Variants in CAMTA1 observed in about 807,000 individuals in gnomAD.
CAMTA1 encodes the protein calmodulin binding transcription activator 1.
A neutral mutation model predicts 170.9 loss-of-function variants in CAMTA1; 27 were observed. The ratio of observed to expected loss-of-function variants is 0.16; its 90% CI spans 0.12 to 0.22. The LOEUF (loss-of-function observed/expected upper bound fraction) is 0.22. Among genes scored for constraint, CAMTA1 ranks in the 10% least tolerant of loss-of-function variants. The probability of loss-of-function intolerance (pLI) is 1.00; values close to 1 mark genes in which losing one functional copy is unlikely to be tolerated. For synonymous variants in CAMTA1, 833 were observed against 891.5 expected (o/e 0.93, Z 1.17); for missense variants, 1,619 against 2,217.2 (o/e 0.73, Z 5.42).
intron 11 of CAMTA1, among the ~76,000 whole-genome samples, chr1:7,712,584 G>A (rs1173636569): frequency 6.6e-6 from 1 of 152,162 alleles, no homozygotes; most frequent in Non-Finnish European, 1.5e-5. Flanking sequence ...CTCCCCAAGT[G>A]CTAGGATTAC....
intron 6 of CAMTA1, among the ~76,000 whole-genome samples, chr1:7,559,678 TG>T (rs1299437008): frequency 7.2e-5 from 11 of 151,966 alleles, no homozygotes; most frequent in Non-Finnish European, 1.6e-4. Context: ...TGTCACAGGG[TG>T]GGCCGGAGGA....
intron 5 of CAMTA1, among the ~76,000 whole-genome samples, chr1:7,461,926 C>T (rs1320610790): frequency 2.6e-5 from 4 of 152,374 alleles, no homozygotes; most frequent in South Asian, 4.1e-4. Flanking sequence ...ATCTCCCATA[C>T]GCCTGGGCCA....
At chr1:7,030,385 T>G (rs1298002880) in intron 3 of CAMTA1, among the ~76,000 whole-genome samples, 5 of 152,216 alleles carry the variant, frequency 3.3e-5, no homozygotes. Flanking sequence ...TGTTGACACG[T>G]TTTATTATAC....
Position 7,275,204 on chromosome 1 carries a change from C to T in CAMTA1, c.438+25578C>T, listed in dbSNP as rs145580005. ...TTTGAAATGAATGAAAATTAAAACC[C>T]CACATAGAAAATGTATGGAGTACAG... On this transcript the variant is annotated intron_variant, in intron 5 of 22. Transcript: ENST00000303635. Among the ~76,000 whole-genome samples, 243 of 149,072 alleles carry T rather than the reference C, an allele frequency of 1.6e-3. 1 individual carries two copies. The highest frequency in any genetic ancestry group is 5.6e-3 in the African/African-American group (229 of 40,588).
chr1:7,276,303 A>ATATATATATATATTTTTTTTTTTTT, intron 5 of CAMTA1, among the ~76,000 whole-genome samples: 1 of 24,232 alleles, frequency 4.1e-5, no homozygotes, highest in Non-Finnish European at 6.1e-5. Context: ...ATATATATAT[A>ATATATATATATATTTTTTTTTTTTT]TTTTTTTTTT....
intron 4 of CAMTA1, among the ~76,000 whole-genome samples, chr1:7,168,394 TTTTGTTTG>T (rs1055159446): frequency 2.6e-5 from 4 of 152,138 alleles, no homozygotes; most frequent in African/African-American, 9.7e-5. Flanking sequence ...TAGAAGTTCT[TTTTGTTTG>T]TTTGTTTGTT....
At chr1:6,990,461 G>C (rs893417674) in intron 3 of CAMTA1, among the ~76,000 whole-genome samples, 7 of 152,118 alleles carry the variant, frequency 4.6e-5, no homozygotes, top group Non-Finnish European at 8.8e-5. Context: ...GTAAATCACA[G>C]CTAACAGTAC....
chr1:7,639,377 A>C (rs2095742687), intron 6 of CAMTA1, among the ~76,000 whole-genome samples: 1 of 152,210 alleles, frequency 6.6e-6, no homozygotes, highest in Admixed American at 6.5e-5. Flanking sequence ...CCCAGAAACC[A>C]ACAAGAAAGA....
intron 6 of CAMTA1, among the ~76,000 whole-genome samples, chr1:7,528,009 G>A (rs2094449099): frequency 6.6e-6 from 1 of 152,208 alleles, no homozygotes; most frequent in Non-Finnish European, 1.5e-5. Flanking sequence ...TAGAGACGGA[G>A]CCCTGGGGTT....
Position 7,635,533 on chromosome 1 carries a change from C to T in CAMTA1, c.511-4867C>T, listed in dbSNP as rs998503341. On this transcript the variant is annotated intron_variant, in intron 6 of 22. Transcript: ENST00000303635. This position sits in a 1 kb window ranked among gnomAD's most constrained non-coding sequence, Gnocchi z 4.4. The stretch of plus-strand genomic sequence containing the variant: ...CTGAGGCAGGAGAATGGCGTGAACC[C>T]GGGAGGCGGAGGTTGCAGTGAGCCG... 3.3e-5 allele frequency among the ~76,000 whole-genome samples: 5 copies of T among 150,354 alleles called. No individual in the cohort carries two copies. Among genetic ancestry groups the T allele is most frequent in the Admixed American group, 2.0e-4 (3 of 15,026 alleles).
chr1:7,041,340 ATCTATT>A lies in CAMTA1; in HGVS notation c.235-49963_235-49958del, dbSNP rs1223967497. On this transcript the variant is annotated intron_variant, in intron 3 of 22. Transcript: ENST00000303635. The surrounding 1 kb of genome is among the most constrained non-coding windows in gnomAD (Gnocchi z 5.1). ...CTGTGGCTGCTGTGGCTTTGCCAGC[ATCTATT>A]GTCTAAGAGGGCTGGGGAAGCTCAC... Among the ~76,000 whole-genome samples, 14 of 152,352 alleles carry A rather than the reference ATCTATT, an allele frequency of 9.2e-5. No individual in the cohort carries two copies. The highest frequency in any genetic ancestry group is 3.4e-4 in the African/African-American group (14 of 41,580).
At chr1:6,877,466 G>A (rs1670244291) in intron 3 of CAMTA1, among the ~76,000 whole-genome samples, 1 of 152,156 alleles carries the variant, frequency 6.6e-6, no homozygotes, top group Admixed American at 6.5e-5. Flanking sequence ...TAGAAAGGGA[G>A]TTAATGAAGG....
In CAMTA1 at chr1:7,260,022, C is replaced by A. The variant is rs189197808; in HGVS notation, c.438+10396C>A. On this transcript the variant is annotated intron_variant, in intron 5 of 22. Coordinates refer to ENST00000303635, the MANE Select transcript of CAMTA1 (RefSeq NM_015215.4). ...TGAATGGACCTTTAAAACAAAGGGC[C>A]AGACAGTAAATCTTTTCAGTTTTGC... Among the ~76,000 whole-genome samples, 25 of 152,276 alleles carry A rather than the reference C, an allele frequency of 1.6e-4. 1 individual carries two copies. Among genetic ancestry groups the A allele is most frequent in the Non-Finnish European group, 3.2e-4 (22 of 68,022 alleles).
chr1:6,928,285 T>G (rs1004980380), intron 3 of CAMTA1, among the ~76,000 whole-genome samples: 3 of 152,212 alleles, frequency 2.0e-5, no homozygotes, highest in Middle Eastern at 3.2e-3. Context: ...GGTGCGTACG[T>G]GCCCTCTGCC....
intron 5 of CAMTA1, among the ~76,000 whole-genome samples, chr1:7,404,062 C>T (rs535730344): frequency 1.3e-5 from 2 of 152,274 alleles, no homozygotes; most frequent in East Asian, 3.9e-4. Flanking sequence ...TCTGTGATCT[C>T]ATTTTATTCT....
At chr1:7,439,106 C>T (rs557880944) in intron 5 of CAMTA1, among the ~76,000 whole-genome samples, 27 of 152,258 alleles carry the variant, frequency 1.8e-4, no homozygotes, top group African/African-American at 2.6e-4. Context: ...CCCAGAGCTG[C>T]GTCCTCCCAG....
At chr1:7,745,720 G>C (rs543488491) in intron 17 of CAMTA1, 125 bp from the exon 18 acceptor site, 32 of 1,130,896 alleles carry the variant, frequency 2.8e-5, no homozygotes, top group Non-Finnish European at 4.0e-5. Flanking sequence ...CTAACTGAAT[G>C]AAGGCATGTT....
At chr1:7,060,711 C>T (rs1231967739) in intron 3 of CAMTA1, among the ~76,000 whole-genome samples, 1 of 152,152 alleles carries the variant, frequency 6.6e-6, no homozygotes, top group Non-Finnish European at 1.5e-5. Context: ...GACTTTTTGC[C>T]CCACCTGGAG....
At chr1:6,864,878 G>C (rs779126153) in intron 3 of CAMTA1, among the ~76,000 whole-genome samples, 25 of 152,110 alleles carry the variant, frequency 1.6e-4, no homozygotes, top group Non-Finnish European at 1.8e-4. Context: ...GACGTGCCTC[G>C]GCATGTCACT....
Sources: allele counts gnomAD v4.1 joint callset (sites outside exome capture counted in the v4.1 genomes callset), GRCh38; gene constraint gnomAD v4.1.1; non-coding constraint Gnocchi (gnomAD v3.1); transcripts MANE v1.5; gene names NCBI Gene and HGNC (gene_info 2026-07-23, HGNC 2026-07-21).